ILRUN: variants seen among roughly 807,000 people sequenced by gnomAD.
ILRUN encodes the protein inflammation and lipid regulator with UBA-like and NBR1-like domains.
ILRUN carries 3 observed loss-of-function variants against 33.8 expected under a neutral mutation model. The observed-to-expected ratio is 0.09, with a 90% CI of 0.04 to 0.23. The LOEUF (loss-of-function observed/expected upper bound fraction) is 0.23, where lower values mean the gene tolerates loss of function less well. Among genes scored for constraint, ILRUN ranks in the 10% least tolerant of loss-of-function variants. The probability of loss-of-function intolerance (pLI) is 1.00; values close to 1 mark genes in which losing one functional copy is unlikely to be tolerated. For synonymous variants in ILRUN, 124 were observed against 138.9 expected (o/e 0.89, Z 0.75); for missense variants, 210 against 375.1 (o/e 0.56, Z 3.64).
chr6:34,646,559 A>C lies in ILRUN; in HGVS notation c.511+42T>G. ...AACACTGGGGATGTTATAAGATGTT[A>C]CCTTAGTTCCTTTACCCTGGGCTGC... On this transcript the variant is annotated intron_variant, in intron 3 of 4. Transcript: ENST00000374023. The surrounding 1 kb of genome is among the most constrained non-coding windows in gnomAD (Gnocchi z 4.9). 6.3e-7 allele frequency: 1 copy of C among 1,591,546 alleles called. No individual in the cohort carries two copies. The highest frequency in any genetic ancestry group is 8.6e-7 in the Non-Finnish European group (1 of 1,162,348).
intron 4 of ILRUN, among the ~76,000 whole-genome samples, chr6:34,591,359 G>T (rs905875643): frequency 6.6e-6 from 1 of 152,146 alleles, no homozygotes; most frequent in Admixed American, 6.5e-5. Context: ...GCCAGGCATG[G>T]TGGCACACGT....
chr6:34,628,867 G>C (rs1762192631), intron 3 of ILRUN, among the ~76,000 whole-genome samples: 3 of 152,082 alleles, frequency 2.0e-5, no homozygotes, highest in South Asian at 4.1e-4. Context: ...TGTAATCCCA[G>C]GACTTTGGGA....
intron 3 of ILRUN, among the ~76,000 whole-genome samples, chr6:34,613,216 A>C (rs918941554): frequency 2.0e-5 from 3 of 150,272 alleles, no homozygotes; most frequent in South Asian, 2.1e-4. Context: ...CCTGTCTCAA[A>C]AACAACAACA....
chr6:34,596,058 G>T (rs1582029598), intron 4 of ILRUN: 1 of 436,958 alleles, frequency 2.3e-6, no homozygotes, highest in African/African-American at 2.1e-5. Context: ...TGGCTGGCAG[G>T]GGCCAGAAAC....
At position 34,588,105 on chromosome 6, in the gene ILRUN, C is replaced by A; in HGVS notation, c.*2460G>T. 2.5e-6 allele frequency: 1 copy of A among 398,778 alleles called. No homozygotes were observed. The highest frequency in any genetic ancestry group is 4.4e-6 in the Non-Finnish European group (1 of 226,190). 24.7% of individuals were successfully genotyped at this position (398,778 alleles called of 1,614,324 possible). Reference sequence around the variant, plus strand: ...GGAGAGAGAATGAATGATACTGATACCCTCCCTGGGCTGGGGAAGCCATGG... The same window carrying A: ...GGAGAGAGAATGAATGATACTGATAACCTCCCTGGGCTGGGGAAGCCATGG... On this transcript the variant is annotated 3_prime_UTR_variant, in exon 5 of 5. Coordinates refer to ENST00000374023, the MANE Select transcript of ILRUN (RefSeq NM_024294.4).
At chr6:34,665,819 T>C (rs1278356961) in intron 1 of ILRUN, among the ~76,000 whole-genome samples, 1 of 152,176 alleles carries the variant, frequency 6.6e-6, no homozygotes, top group Non-Finnish European at 1.5e-5. Context: ...GAAAAATGCA[T>C]AGGCTTTAAG....
chr6:34,658,347 CAAA>C (rs35618991), intron 1 of ILRUN, among the ~76,000 whole-genome samples: 5 of 105,224 alleles, frequency 4.8e-5, no homozygotes, highest in Non-Finnish European at 4.2e-5. Context: ...GACTCTGTCT[CAAA>C]AAAAAAAAAA....
intron 2 of ILRUN, among the ~76,000 whole-genome samples, chr6:34,650,914 T>G (rs1270386708): frequency 6.6e-6 from 1 of 152,186 alleles, no homozygotes; most frequent in Non-Finnish European, 1.5e-5. Context: ...ATTATTTATG[T>G]AGCTCTTTCA....
In ILRUN at chr6:34,632,247, C is replaced by T. The variant is rs573703817; in HGVS notation, c.511+14354G>A. 1.5e-3 allele frequency among the ~76,000 whole-genome samples: 229 copies of T among 152,090 alleles called. 3 individuals are homozygous for T. Among genetic ancestry groups the T allele is most frequent in the Middle Eastern group, 6.8e-3 (2 of 294 alleles). On this transcript the variant is annotated intron_variant, in intron 3 of 4. Transcript: ENST00000374023. The stretch of plus-strand genomic sequence containing the variant: ...CTTGAGGTTAGGAGTTTGAGACCAG[C>T]CTGGCCAACATGGAGAAACCCCGTC...
intron 3 of ILRUN, among the ~76,000 whole-genome samples, chr6:34,615,004 G>T (rs960534531): frequency 3.3e-5 from 5 of 152,110 alleles, no homozygotes; most frequent in African/African-American, 4.8e-5. Context: ...AGAGATTGGG[G>T]CACATGACAA....
At chr6:34,617,136 G>A (rs1014477658) in intron 3 of ILRUN, 2 of 523,318 alleles carry the variant, frequency 3.8e-6, no homozygotes, top group African/African-American at 3.9e-5. Context: ...ATAACTTCCT[G>A]TGGCCCTTCA....
At chr6:34,609,150 C>T (rs940336534) in intron 3 of ILRUN, among the ~76,000 whole-genome samples, 1 of 152,208 alleles carries the variant, frequency 6.6e-6, no homozygotes, top group African/African-American at 2.4e-5. Flanking sequence ...AAAACTCTCT[C>T]AGGCTGTGTT....
intron 1 of ILRUN, 24 bp downstream of exon 1, chr6:34,696,421 CG>C (rs1306675743): frequency 6.4e-7 from 1 of 1,554,092 alleles, no homozygotes; most frequent in Non-Finnish European, 8.7e-7. Context: ...CCGCTGCCAG[CG>C]CTGGCACTGC....
intron 3 of ILRUN, among the ~76,000 whole-genome samples, chr6:34,613,246 C>A (rs548515525): frequency 6.0e-4 from 85 of 142,552 alleles, no homozygotes; most frequent in South Asian, 8.7e-4. Context: ...ACAACAACAA[C>A]AAAAAACCAA....
intron 1 of ILRUN, among the ~76,000 whole-genome samples, chr6:34,661,698 C>G (rs891007418): frequency 6.6e-6 from 1 of 152,090 alleles, no homozygotes; most frequent in Non-Finnish European, 1.5e-5. Context: ...ATAAAAATAT[C>G]CTTAAAGAAA....
At chr6:34,674,384 G>T (rs1345467648) in intron 1 of ILRUN, among the ~76,000 whole-genome samples, 1 of 152,182 alleles carries the variant, frequency 6.6e-6, no homozygotes, top group African/African-American at 2.4e-5. Flanking sequence ...GTGCCCTTAT[G>T]TTATATATGA....
At chr6:34,625,325 C>T in intron 3 of ILRUN, among the ~76,000 whole-genome samples, 1 of 152,144 alleles carries the variant, frequency 6.6e-6, no homozygotes. Flanking sequence ...AATGTGAGCA[C>T]AGAGCTCTGG....
intron 3 of ILRUN, among the ~76,000 whole-genome samples, chr6:34,638,964 A>G (rs945563855): frequency 1.4e-4 from 22 of 152,224 alleles, no homozygotes; most frequent in African/African-American, 5.3e-4. Context: ...TCTAGTATGA[A>G]GAAGTTTGTA....
intron 3 of ILRUN, among the ~76,000 whole-genome samples, chr6:34,635,612 C>CTT (rs778064465): frequency 1.4e-3 from 142 of 104,550 alleles, no homozygotes; most frequent in African/African-American, 3.9e-3. Flanking sequence ...TCTTAGAAAG[C>CTT]TTTTTTTTTT....
Sources: gnomAD v4.1 joint callset for allele counts (sites outside exome capture counted in the v4.1 genomes callset) on GRCh38, gnomAD v4.1.1 for gene constraint, Gnocchi (gnomAD v3.1) non-coding constraint, MANE v1.5 for transcripts, NCBI Gene and HGNC (gene_info 2026-07-23, HGNC 2026-07-21) for gene names.